Variants in PPP6R2 observed in about 807,000 individuals in gnomAD.
The protein encoded by PPP6R2 is serine/threonine-protein phosphatase 6 regulatory subunit 2.
PPP6R2 carries 62 observed loss-of-function variants against 100.2 expected under a neutral mutation model. That is an observed-to-expected ratio of 0.62 (90% CI 0.50 to 0.76). The LOEUF (loss-of-function observed/expected upper bound fraction) is 0.76, where lower values mean the gene tolerates loss of function less well. Among genes scored for constraint, PPP6R2 ranks in the 30% least tolerant of loss-of-function variants. The pLI is 0.00. For missense variants in PPP6R2, 1,142 were observed against 1,276.3 expected (o/e 0.89, Z 1.60); for synonymous variants, 525 against 514.7 (o/e 1.02, Z -0.27).
chr22:50,362,511 C>G (rs76619176), intron 1 of PPP6R2, among the ~76,000 whole-genome samples: 1 of 152,154 alleles, frequency 6.6e-6, no homozygotes, highest in Admixed American at 6.5e-5. Context: ...TTGCAGAGCA[C>G]GTGCTCTGCA....
chr22:50,436,314 G>C, intron 13 of PPP6R2, 53 bp from the exon 14 acceptor site: 1 of 1,519,236 alleles, frequency 6.6e-7, no homozygotes, highest in African/African-American at 1.4e-5. Context: ...CGGGTGCCCT[G>C]CACCATCTGC....
At chr22:50,414,059 A>G (rs1416483008) in intron 4 of PPP6R2, among the ~76,000 whole-genome samples, 1 of 152,044 alleles carries the variant, frequency 6.6e-6, no homozygotes, top group Non-Finnish European at 1.5e-5. Flanking sequence ...TTTCTTTTCT[A>G]AAACCTCAGT....
intron 9 of PPP6R2, 148 bp downstream of exon 9, chr22:50,422,528 G>A: frequency 8.9e-7 from 1 of 1,123,426 alleles, no homozygotes; most frequent in South Asian, 1.7e-5. Context: ...CCCCACTTGA[G>A]AAGCACCGGG....
chr22:50,334,065 C>T, the PPP6R2 span, among the ~76,000 whole-genome samples: 1 of 152,266 alleles, frequency 6.6e-6, no homozygotes. Context: ...CTACTGCTAT[C>T]TAGAAGGCGG....
At chr22:50,396,836 C>G in intron 3 of PPP6R2, among the ~76,000 whole-genome samples, 1 of 152,246 alleles carries the variant, frequency 6.6e-6, no homozygotes, top group East Asian at 1.9e-4. Flanking sequence ...CTAGCCTGAG[C>G]AGGGCCTTGC....
At chr22:50,363,190 G>A (rs1250994956) in intron 1 of PPP6R2, among the ~76,000 whole-genome samples, 1 of 152,194 alleles carries the variant, frequency 6.6e-6, no homozygotes, top group African/African-American at 2.4e-5. Context: ...GGGTGGGCCT[G>A]TCTCTGCTCC....
rs1462922459 is a variant in PPP6R2, at chr22:50,435,077, C to T, written c.1512C>T (p.Ile504=). ...TGCAGACGCACATCAGCGAGGTCAT[C>T]CGAGGTGAGCCCCCAACCCGGTCAT... ...GPVQTHISEV[I]RGLPADCRGR... The change falls in exon 13 of 24, where the codon ATC becomes ATT. Residue 504 remains isoleucine (I), a synonymous_variant. Coordinates refer to ENST00000612753, the MANE Select transcript of PPP6R2 (RefSeq NM_001242898.2). The T allele has an allele frequency of 6.5e-7, 1 of 1,539,804 alleles. No homozygotes were observed. The highest frequency in any genetic ancestry group is 1.2e-5 in the South Asian group (1 of 82,270).
intron 3 of PPP6R2, among the ~76,000 whole-genome samples, chr22:50,405,466 G>T (rs1458591248): frequency 1.4e-5 from 2 of 145,014 alleles, no homozygotes; most frequent in Non-Finnish European, 1.5e-5. Flanking sequence ...AGAGGTGAGA[G>T]GCCTGGAGAG....
intron 1 of PPP6R2, among the ~76,000 whole-genome samples, chr22:50,355,037 C>G (rs1303502399): frequency 6.6e-6 from 1 of 151,426 alleles, no homozygotes; most frequent in Non-Finnish European, 1.5e-5. Context: ...GAGACAGGGC[C>G]TTGCTCTATT....
intron 2 of PPP6R2, among the ~76,000 whole-genome samples, chr22:50,387,185 C>T (rs2054430322): frequency 6.6e-6 from 1 of 152,102 alleles, no homozygotes; most frequent in Non-Finnish European, 1.5e-5. Context: ...CTCAGGCTCC[C>T]GGAGTAGCTG....
At chr22:50,339,014 GGT>G (rs372385602), upstream of PPP6R2, among the ~76,000 whole-genome samples, 25,730 of 131,720 alleles carry the variant, frequency 0.2, 2,780 homozygotes, top group South Asian at 0.34. Context: ...TGTGGTGTGT[GGT>G]GTGTGTGTGT....
upstream of PPP6R2, among the ~76,000 whole-genome samples, chr22:50,342,436 C>T (rs2042507650): frequency 6.6e-6 from 1 of 151,954 alleles, no homozygotes; most frequent in African/African-American, 2.4e-5. Flanking sequence ...AGCCCGGGGC[C>T]GCCAGCCGCA....
intron 4 of PPP6R2, chr22:50,407,604 C>T (rs565370419): frequency 6.6e-6 from 1 of 152,338 alleles, no homozygotes; most frequent in African/African-American, 2.4e-5. Flanking sequence ...CATTAGACTT[C>T]TGCAAAAGCA....
rs967313303 is a variant in PPP6R2 at position 50,362,454 on chromosome 22, G to A, written c.-147-9566G>A. The stretch of plus-strand genomic sequence containing the variant: ...GCTTGAAGACCTTGGAATGTGCAGC[G>A]ACGTCAGCTCTTCTCAGCCCGTCGC... On this transcript the variant is annotated intron_variant, in intron 1 of 23. Coordinates refer to ENST00000612753, the MANE Select transcript of PPP6R2 (RefSeq NM_001242898.2). Among the ~76,000 whole-genome samples, 21 of 152,156 alleles carry A rather than the reference G, an allele frequency of 1.4e-4. 1 individual carries two copies. Among genetic ancestry groups the A allele is most frequent in the Admixed American group, 1.3e-4 (2 of 15,274 alleles).
chr22:50,353,295 TC>T (rs1026957802), intron 1 of PPP6R2, among the ~76,000 whole-genome samples: 1 of 152,178 alleles, frequency 6.6e-6, no homozygotes, highest in African/African-American at 2.4e-5. Flanking sequence ...ATGTGACTCT[TC>T]CTTTCCTACA....
intron 3 of PPP6R2, among the ~76,000 whole-genome samples, chr22:50,396,295 GA>G (rs2056841318): frequency 1.4e-5 from 2 of 146,856 alleles, no homozygotes; most frequent in African/African-American, 2.5e-5. Context: ...AGGAGTTCGA[GA>G]CCAGCCTGAC....
intron 2 of PPP6R2, among the ~76,000 whole-genome samples, chr22:50,380,486 G>T (rs1019027780): frequency 6.6e-6 from 1 of 151,304 alleles, no homozygotes; most frequent in Non-Finnish European, 1.5e-5. Context: ...TCAGCCTCCC[G>T]AGTAGCTGGG....
rs12485118 is a variant in PPP6R2, at chr22:50,435,495, T to C, written c.1516+414T>C. On this transcript the variant is annotated intron_variant, in intron 13 of 23. Coordinates refer to ENST00000612753, the MANE Select transcript of PPP6R2 (RefSeq NM_001242898.2). ...CTCATTCTCACTCAGGTGTGAGATT[T>C]CGTAGCACAAGTCTCAGGGGAGCAG... is the stretch of plus-strand genomic sequence containing the variant. 6.8e-3 allele frequency among the ~76,000 whole-genome samples: 1,029 copies of C among 152,332 alleles called. 6 individuals are homozygous for C. Among genetic ancestry groups the C allele is most frequent in the South Asian group, 0.026 (126 of 4,830 alleles).
chr22:50,429,032 ATT>A (rs34500818), intron 10 of PPP6R2, among the ~76,000 whole-genome samples: 20 of 145,886 alleles, frequency 1.4e-4, no homozygotes, highest in Admixed American at 1.4e-4. Flanking sequence ...AGTATGTTGA[ATT>A]TTTTTTTTTT....
Sources: allele counts gnomAD v4.1 joint callset (sites outside exome capture counted in the v4.1 genomes callset), GRCh38; gene constraint gnomAD v4.1.1; transcripts MANE v1.5; gene names NCBI Gene and HGNC (gene_info 2026-07-23, HGNC 2026-07-21).